SENP5: variants seen among roughly 807,000 people sequenced by gnomAD.
SENP5 encodes SUMO specific peptidase 5.
Under a neutral mutation model 74.2 loss-of-function variants are expected in SENP5, and 21 were observed. The observed-to-expected ratio is 0.28, with a 90% CI of 0.20 to 0.41. The LOEUF is 0.41. SENP5 is among the 10% of genes least tolerant of loss of function. The probability of loss-of-function intolerance (pLI) is 1.00; values close to 1 mark genes in which losing one functional copy is unlikely to be tolerated. For synonymous variants in SENP5, 311 were observed against 312.7 expected (o/e 0.99, Z 0.06); for missense variants, 717 against 889.1 (o/e 0.81, Z 2.46).
chr3:196,873,468 T>C (rs1458558685), intron 1 of SENP5, among the ~76,000 whole-genome samples: 1 of 152,140 alleles, frequency 6.6e-6, no homozygotes, highest in Non-Finnish European at 1.5e-5. Flanking sequence ...TTTGTGTACA[T>C]ATGCTTTAAA....
intron 1 of SENP5, among the ~76,000 whole-genome samples, chr3:196,868,862 C>T (rs991131231): frequency 6.6e-6 from 1 of 150,438 alleles, no homozygotes; most frequent in East Asian, 2.0e-4. Context: ...CAGGACACTT[C>T]ATGATAGGTT....
chr3:196,902,685 CT>C (rs1020503523), intron 5 of SENP5, among the ~76,000 whole-genome samples: 2 of 152,186 alleles, frequency 1.3e-5, no homozygotes, highest in African/African-American at 4.8e-5. Context: ...TGAATGAGCA[CT>C]TTAAGATCAC....
intron 6 of SENP5, among the ~76,000 whole-genome samples, chr3:196,915,929 C>T (rs1715350723): frequency 6.6e-6 from 1 of 152,144 alleles, no homozygotes; most frequent in African/African-American, 2.4e-5. Flanking sequence ...CCTGGAAAGC[C>T]TTCTCAAGAA....
At chr3:196,897,317 A>G (rs1293228165) in intron 2 of SENP5, among the ~76,000 whole-genome samples, 2 of 152,238 alleles carry the variant, frequency 1.3e-5, no homozygotes, top group Admixed American at 1.3e-4. Flanking sequence ...GATGTGAAAT[A>G]GTAAACACTA....
chr3:196,888,229 G>C (rs1358969375), intron 2 of SENP5, among the ~76,000 whole-genome samples: 2 of 152,178 alleles, frequency 1.3e-5, no homozygotes, highest in Non-Finnish European at 2.9e-5. Flanking sequence ...TCAGGCAATA[G>C]TTTGCTAGCA....
chr3:196,885,123 A>C (rs1340134579), intron 1 of SENP5, 28 bp from the exon 2 acceptor site: 1 of 1,347,120 alleles, frequency 7.4e-7, no homozygotes, highest in Non-Finnish European at 1.0e-6. Flanking sequence ...TTTTAGATAG[A>C]AATATAACTT....
At chr3:196,927,251 G>A (rs1427487107) in intron 7 of SENP5, among the ~76,000 whole-genome samples, 2 of 152,150 alleles carry the variant, frequency 1.3e-5, no homozygotes, top group African/African-American at 4.8e-5. Context: ...TCTGCCATGG[G>A]TTCCTTTCCT....
chr3:196,891,338 GT>G (rs1485005974), intron 2 of SENP5, among the ~76,000 whole-genome samples: 2 of 152,196 alleles, frequency 1.3e-5, no homozygotes, highest in Admixed American at 6.5e-5. Flanking sequence ...TCTTTGTGGG[GT>G]AATGGAGGTG....
At chr3:196,922,967 GGT>G (rs1715679298) in intron 6 of SENP5, among the ~76,000 whole-genome samples, 4 of 151,876 alleles carry the variant, frequency 2.6e-5, no homozygotes, top group African/African-American at 7.3e-5. Flanking sequence ...TGCCCAGGCT[GGT>G]CTCAAACTCC....
chr3:196,895,185 A>C (rs1714388819), intron 2 of SENP5, among the ~76,000 whole-genome samples: 1 of 138,976 alleles, frequency 7.2e-6, no homozygotes, highest in Non-Finnish European at 1.5e-5. Flanking sequence ...GGCTACTTTT[A>C]ACTTCTTTTT....
intron 6 of SENP5, among the ~76,000 whole-genome samples, chr3:196,917,906 A>G (rs575701968): frequency 2.0e-5 from 3 of 152,356 alleles, no homozygotes; most frequent in Admixed American, 2.0e-4. Context: ...ACAAGAACAG[A>G]ATGGCTTGAC....
Position 196,885,427 on chromosome 3 carries a change from C to G in SENP5, c.246C>G (p.Phe82Leu), listed in dbSNP as rs1379847001. The G allele has an allele frequency of 6.2e-7, 1 of 1,614,122 alleles. No individual in the cohort carries two copies. The change falls in exon 2 of 10, where the codon TTC (phenylalanine) becomes TTG (leucine). Residue 82 changes from phenylalanine to leucine, a missense_variant. Coordinates refer to ENST00000323460, the MANE Select transcript of SENP5 (RefSeq NM_152699.5). ...AACCCCTTTGTGCTAAGACCAAGTTCAATGTGGCTACTCAAAATGTTAGTA... is the reference window on the plus strand; with the variant it reads ...AACCCCTTTGTGCTAAGACCAAGTTGAATGTGGCTACTCAAAATGTTAGTA... ...KDEPLCAKTKFNVATQNVSTL... is the reference protein window; with the variant it reads ...KDEPLCAKTKLNVATQNVSTL...
At chr3:196,882,488 C>A (rs551020230) in intron 1 of SENP5, among the ~76,000 whole-genome samples, 1 of 151,958 alleles carries the variant, frequency 6.6e-6, no homozygotes, top group East Asian at 1.9e-4. Context: ...TCTGGTGATT[C>A]TTGGTCATCC....
rs866154117 is a variant in SENP5, at chr3:196,889,202, A to C, written c.1513+2508A>C. Among the ~76,000 whole-genome samples, 14 of 152,084 alleles carry C rather than the reference A, an allele frequency of 9.2e-5. 1 individual carries two copies. Among genetic ancestry groups the C allele is most frequent in the South Asian group, 2.1e-4 (1 of 4,824 alleles). On this transcript the variant is annotated intron_variant, in intron 2 of 9. Coordinates refer to ENST00000323460, the MANE Select transcript of SENP5 (RefSeq NM_152699.5). ...CAGAGTCCTAGCAAATTAAAAAAAA[A>C]AACAACACCAAAAAACCTCTTGTCT...
chr3:196,879,547 C>T (rs1157445087), intron 1 of SENP5, among the ~76,000 whole-genome samples: 2 of 152,188 alleles, frequency 1.3e-5, no homozygotes, highest in African/African-American at 4.8e-5. Flanking sequence ...ATTGGTGGCC[C>T]TCCAGGCTTA....
chr3:196,926,839 A>G (rs892837389), intron 7 of SENP5, among the ~76,000 whole-genome samples: 3 of 152,044 alleles, frequency 2.0e-5, no homozygotes, highest in Non-Finnish European at 4.4e-5. Flanking sequence ...GGGTTTCACC[A>G]TGTTGGTCAG....
chr3:196,905,734 G>A (rs1370912015), intron 6 of SENP5, among the ~76,000 whole-genome samples: 2 of 152,116 alleles, frequency 1.3e-5, no homozygotes, highest in Non-Finnish European at 2.9e-5. Flanking sequence ...TCCCAGTGCA[G>A]TCAGTTTTTA....
At chr3:196,924,211 T>G (rs1715728269) in intron 7 of SENP5, among the ~76,000 whole-genome samples, 1 of 152,190 alleles carries the variant, frequency 6.6e-6, no homozygotes, top group African/African-American at 2.4e-5. Context: ...GAAGGACTTC[T>G]TAACATGGAA....
At chr3:196,918,471 C>T (rs1715477778) in intron 6 of SENP5, among the ~76,000 whole-genome samples, 2 of 150,516 alleles carry the variant, frequency 1.3e-5, no homozygotes, top group African/African-American at 4.9e-5. Flanking sequence ...CCTCATGAGG[C>T]TTTTATTTTG....
Sources: allele counts gnomAD v4.1 joint callset (sites outside exome capture counted in the v4.1 genomes callset), GRCh38; gene constraint gnomAD v4.1.1; transcripts MANE v1.5; gene names NCBI Gene and HGNC (gene_info 2026-07-23, HGNC 2026-07-21).